The following EYA1 variants were observed in gnomAD, a reference collection of about 807,000 sequenced individuals.
EYA1 encodes the protein protein phosphatase EYA1.
A neutral mutation model predicts 82.0 loss-of-function variants in EYA1; 16 were observed. That is an observed-to-expected ratio of 0.20 (90% CI 0.13 to 0.30). EYA1 has a LOEUF of 0.30. EYA1 is among the 10% of genes least tolerant of loss of function. The pLI, the probability that EYA1 is intolerant of heterozygous loss-of-function variation, is 1.00. For missense variants in EYA1, 633 were observed against 730.7 expected, an observed-to-expected ratio of 0.87 and a Z score of 1.54; for synonymous variants, 261 against 264.4, an observed-to-expected ratio of 0.99 and a Z score of 0.12.
intron 9 of EYA1, among the ~76,000 whole-genome samples, chr8:71,292,580 G>A (rs996734544): frequency 6.6e-6 from 1 of 151,962 alleles, no homozygotes; most frequent in African/African-American, 2.4e-5. Flanking sequence ...CATTTAATCT[G>A]TAAGATGTTA....
intron 2 of EYA1, among the ~76,000 whole-genome samples, chr8:71,458,792 A>G (rs557780468): frequency 6.6e-6 from 1 of 152,298 alleles, no homozygotes; most frequent in Admixed American, 6.5e-5. Context: ...TTGAGTTTGA[A>G]GTGCTCTTAT....
At chr8:71,335,978 T>C (rs1467885441) in intron 3 of EYA1, among the ~76,000 whole-genome samples, 4 of 152,210 alleles carry the variant, frequency 2.6e-5, no homozygotes, top group Non-Finnish European at 4.4e-5. Flanking sequence ...GTGCCTACTA[T>C]GTGTCAGTTA....
chr8:71,520,213 G>C (rs556934134), intron 2 of EYA1, among the ~76,000 whole-genome samples: 25 of 147,646 alleles, frequency 1.7e-4, no homozygotes, highest in East Asian at 2.0e-4. Flanking sequence ...CCCCTCATTG[G>C]CCCCCCCCTC....
At chr8:71,229,822 C>T (rs557459245) in intron 12 of EYA1, among the ~76,000 whole-genome samples, 1 of 152,260 alleles carries the variant, frequency 6.6e-6, no homozygotes, top group African/African-American at 2.4e-5. Flanking sequence ...CAGAAGAGTT[C>T]CCTTTAACTT....
chr8:71,353,303 G>T, intron 3 of EYA1, among the ~76,000 whole-genome samples: 1 of 152,154 alleles, frequency 6.6e-6, no homozygotes, highest in East Asian at 1.9e-4. Flanking sequence ...TGAAGTCAAA[G>T]CCCAAAAGGA....
chr8:71,303,315 TACACACACAC>T (rs58345968), intron 7 of EYA1, among the ~76,000 whole-genome samples: 1 of 131,886 alleles, frequency 7.6e-6, no homozygotes, highest in South Asian at 2.5e-4. Flanking sequence ...ACATTTGATA[TACACACACAC>T]ACACACACAC....
At chr8:71,522,089 T>C (rs553027977) in intron 2 of EYA1, among the ~76,000 whole-genome samples, 2 of 152,316 alleles carry the variant, frequency 1.3e-5, no homozygotes, top group African/African-American at 4.8e-5. Flanking sequence ...TTCAAAAGTA[T>C]TTATAATCTG....
At chr8:71,347,333 T>C (rs1825838546) in intron 3 of EYA1, among the ~76,000 whole-genome samples, 1 of 152,144 alleles carries the variant, frequency 6.6e-6, no homozygotes, top group South Asian at 2.1e-4. Context: ...TATTTATTTA[T>C]TTATTTTGAG....
At chr8:71,519,242 T>C (rs1813213886) in intron 2 of EYA1, among the ~76,000 whole-genome samples, 1 of 152,188 alleles carries the variant, frequency 6.6e-6, no homozygotes, top group Non-Finnish European at 1.5e-5. Context: ...AAAGATCTCA[T>C]AGACTTAAAA....
At chr8:71,343,457 G>T (rs72654178) in intron 3 of EYA1, among the ~76,000 whole-genome samples, 10,637 of 152,170 alleles carry the variant, frequency 0.07, 400 homozygotes, top group African/African-American at 0.1. Flanking sequence ...GGACTAATGG[G>T]TTCATGGATT....
Position 71,199,059 on chromosome 8 carries a change from G to A in EYA1, c.*281C>T, listed in dbSNP as rs1055120160. On this transcript the variant is annotated 3_prime_UTR_variant, in exon 18 of 18. Coordinates refer to ENST00000340726, the MANE Select transcript of EYA1 (RefSeq NM_000503.6). Reference sequence around the variant, plus strand: ...GCGTTTGCAGGTCCTTTCTTCACAGGTTTGAACCGTGTAGTTAATGTGGCA... The same window carrying A: ...GCGTTTGCAGGTCCTTTCTTCACAGATTTGAACCGTGTAGTTAATGTGGCA... 1 of 492,062 alleles carries A rather than the reference G, an allele frequency of 2.0e-6. No homozygotes were observed. Among genetic ancestry groups the A allele is most frequent in the Non-Finnish European group, 3.7e-6 (1 of 268,098 alleles). The allele number at this position is 492,062 out of a possible 1,614,324, so 30.5% of individuals were successfully genotyped here.
intron 9 of EYA1, among the ~76,000 whole-genome samples, chr8:71,273,009 G>A (rs771555713): frequency 3.3e-5 from 5 of 152,156 alleles, no homozygotes; most frequent in Non-Finnish European, 5.9e-5. Flanking sequence ...GGCCATCCAC[G>A]TGTCAAACTG....
chr8:71,434,803 A>T (rs1259537562), intron 2 of EYA1, among the ~76,000 whole-genome samples: 1 of 152,188 alleles, frequency 6.6e-6, no homozygotes, highest in African/African-American at 2.4e-5. Context: ...TTTTAGAAAA[A>T]GTGTGTGTTC....
intron 2 of EYA1, chr8:71,403,926 A>G (rs761050025): frequency 4.6e-5 from 7 of 152,222 alleles, no homozygotes; most frequent in Non-Finnish European, 8.8e-5. Flanking sequence ...TTCTTTACAC[A>G]TATTTGGATT....
At position 71,492,466 on chromosome 8, in the gene EYA1, T is replaced by G. The variant is rs546000977; in HGVS notation, c.33+43278A>C. On this transcript the variant is annotated intron_variant, in intron 2 of 18. Transcript: ENST00000643681. ...TGACAGTTTATTTATTTATTTATTATTATTTTTTTTTTTTTTGAGACGGAG... is the reference window on the plus strand; with the variant it reads ...TGACAGTTTATTTATTTATTTATTAGTATTTTTTTTTTTTTTGAGACGGAG... Among the ~76,000 whole-genome samples, 58 of 115,302 alleles carry G rather than the reference T, an allele frequency of 5.0e-4. 1 individual carries two copies. The Admixed American group carries it at 5.8e-3, about 12-fold the overall frequency. The allele number at this position is 115,302 out of a possible 152,430, so 75.6% of individuals were successfully genotyped here. A position where few individuals can be genotyped will look rare whatever the true frequency, so the allele number is the denominator to read the frequency against.
chr8:71,295,712 T>C (rs535562300), intron 9 of EYA1, among the ~76,000 whole-genome samples: 56 of 152,354 alleles, frequency 3.7e-4, no homozygotes, highest in African/African-American at 1.3e-3. Context: ...ATCACACTCC[T>C]AGGTATTTAC....
chr8:71,545,403 C>T (rs1337266813), intron 1 of EYA1, among the ~76,000 whole-genome samples: 1 of 152,136 alleles, frequency 6.6e-6, no homozygotes. Flanking sequence ...TAGACACTTT[C>T]AGGCATTGCA....
intron 2 of EYA1, among the ~76,000 whole-genome samples, chr8:71,439,786 G>GTGCT (rs1806278417): frequency 6.6e-6 from 1 of 152,140 alleles, no homozygotes; most frequent in African/African-American, 2.4e-5. Context: ...AAGTAGAGTT[G>GTGCT]TGCTTAATCA....
intron 7 of EYA1, among the ~76,000 whole-genome samples, chr8:71,300,561 G>C (rs987148511): frequency 6.6e-6 from 1 of 151,978 alleles, no homozygotes; most frequent in Non-Finnish European, 1.5e-5. Flanking sequence ...TTTCTGTTTG[G>C]CTATTTGGCT....
Sources: allele counts gnomAD v4.1 joint callset (sites outside exome capture counted in the v4.1 genomes callset), GRCh38; gene constraint gnomAD v4.1.1; transcripts MANE v1.5; gene names NCBI Gene and HGNC (gene_info 2026-07-23, HGNC 2026-07-21).